The following ETFDH variants were observed in gnomAD, a reference collection of about 807,000 sequenced individuals.
The protein encoded by ETFDH is electron transfer flavoprotein dehydrogenase.
In ETFDH, 61 loss-of-function variants were observed where a neutral mutation model predicts 73.2. The observed-to-expected ratio is 0.83, with a 90% CI of 0.68 to 1.03. The LOEUF (loss-of-function observed/expected upper bound fraction) is 1.03. Ranked by LOEUF, ETFDH falls within the 50% of genes least tolerant of loss-of-function variation. ETFDH has a pLI of 0.00. For missense variants in ETFDH, 685 were observed against 745.0 expected, an observed-to-expected ratio of 0.92 and a Z score of 0.94; for synonymous variants, 243 against 253.3, an observed-to-expected ratio of 0.96 and a Z score of 0.39.
intron 1 of ETFDH, among the ~76,000 whole-genome samples, chr4:158,678,999 A>G (rs1773779333): frequency 6.6e-6 from 1 of 152,070 alleles, no homozygotes; most frequent in Admixed American, 6.6e-5. Flanking sequence ...TCTTCGATCA[A>G]ATATAATTCA....
rs1485863662 is a variant in ETFDH, at chr4:158,682,434, A to G, written c.405+10A>G. ...CTGGAAAGAGAAGGGGGTATGAAAAATTGTTTTTTATACAAAGTCTAATCT... is the reference window on the plus strand; with the variant it reads ...CTGGAAAGAGAAGGGGGTATGAAAAGTTGTTTTTTATACAAAGTCTAATCT... On this transcript the variant is annotated intron_variant, in intron 3 of 12. Transcript: ENST00000511912. 3.7e-6 allele frequency: 6 copies of G among 1,601,012 alleles called. No homozygotes were observed. The South Asian group carries it at 6.6e-5, about 18-fold the overall frequency.
At position 158,709,599 on chromosome 4, in the gene ETFDH, G is replaced by T; in HGVS notation, c.*1072G>T. 1.6e-6 allele frequency: 1 copy of T among 606,840 alleles called. No individual in the cohort carries two copies. Among genetic ancestry groups the T allele is most frequent in the Non-Finnish European group, 2.8e-6 (1 of 353,958 alleles). The allele number at this position is 606,840 out of a possible 1,614,324, so 37.6% of individuals were successfully genotyped here. A position where few individuals can be genotyped will look rare whatever the true frequency, so the allele number is the denominator to read the frequency against. ...GTTTATTAAGCATGAACCCCTATCA[G>T]TACTCCTAAACTGTAAACAGTAAGG... is the stretch of plus-strand genomic sequence containing the variant. On this transcript the variant is annotated 3_prime_UTR_variant, in exon 13 of 13. Transcript: ENST00000511912.
Position 158,697,547 on chromosome 4 carries a change from T to C in ETFDH, c.832-12T>C. ...ACTGCAGGACTTTTTTGTTTGCTTT[T>C]TTTTTTTTTAGTTATGGGTTATTGA... On this transcript the variant is annotated splice_polypyrimidine_tract_variant and intron_variant, in intron 7 of 12. Transcript: ENST00000511912. 2.5e-6 allele frequency: 4 copies of C among 1,606,542 alleles called. No homozygotes were observed. The highest frequency in any genetic ancestry group is 2.2e-5 in the South Asian group (2 of 89,786).
chr4:158,681,301 A>T (rs750772165), intron 2 of ETFDH, among the ~76,000 whole-genome samples: 12 of 152,166 alleles, frequency 7.9e-5, no homozygotes, highest in Non-Finnish European at 1.0e-4. Flanking sequence ...AAAAAATTTT[A>T]AAAAGAAAGA....
chr4:158,682,087 A>C, intron 2 of ETFDH, 108 bp from the exon 3 acceptor site: 1 of 1,475,814 alleles, frequency 6.8e-7, no homozygotes, highest in Admixed American at 1.7e-5. Flanking sequence ...ACACAGGGAG[A>C]ATTTCCATAA....
intron 6 of ETFDH, among the ~76,000 whole-genome samples, chr4:158,694,637 T>C (rs1159744842): frequency 1.3e-5 from 2 of 151,764 alleles, no homozygotes; most frequent in Non-Finnish European, 2.9e-5. Context: ...AAAATAGTTA[T>C]CACACTTGAT....
intron 12 of ETFDH, among the ~76,000 whole-genome samples, chr4:158,707,563 C>T (rs975358797): frequency 1.3e-5 from 2 of 152,232 alleles, no homozygotes; most frequent in South Asian, 2.1e-4. Flanking sequence ...GTGTACCATT[C>T]GGGCTTGCCC....
In ETFDH at chr4:158,706,670, C is replaced by T. The variant is rs1030030875; in HGVS notation, c.1510C>T (p.Pro504Ser). 6.2e-7 allele frequency: 1 copy of T among 1,613,974 alleles called. No homozygotes were observed. Among genetic ancestry groups the T allele is most frequent in the African/African-American group, 1.3e-5 (1 of 74,890 alleles). The change falls in exon 12 of 13, where the codon CCT (proline) becomes TCT (serine). Residue 504 changes from proline (P) to serine (S), a missense_variant. Transcript: ENST00000511912. Reference sequence around the variant, plus strand: ...GCTCAAGCCAGCCAAGGATTGCACACCTATTGAGTATCCAAAACCCGATGG... The same window carrying T: ...GCTCAAGCCAGCCAAGGATTGCACATCTATTGAGTATCCAAAACCCGATGG... ...ERLKPAKDCT[P>S]IEYPKPDGQI...
In ETFDH at chr4:158,680,531, G is replaced by A. The variant is rs569257408; in HGVS notation, c.99G>A (p.Trp33Ter). 1 of 1,599,986 alleles carries A rather than the reference G, an allele frequency of 6.3e-7. No individual in the cohort carries two copies. The highest frequency in any genetic ancestry group is 8.6e-7 in the Non-Finnish European group (1 of 1,167,156). The change falls in exon 2 of 13, where the codon TGG becomes TGA. Residue 33 changes from tryptophan to a stop codon, truncating the protein, a stop_gained. Transcript: ENST00000511912. LOFTEE classifies it high-confidence loss of function. ...KNYLPLCATR[W>*]SSTSTVPRIT... ...ATCTACCTCTATGTGCTACAAGATG[G>A]TCTTCAACTTCTACTGTGCCTCGAA...
chr4:158,704,233 T>A (rs1774546623), intron 10 of ETFDH, among the ~76,000 whole-genome samples: 1 of 152,228 alleles, frequency 6.6e-6, no homozygotes, highest in African/African-American at 2.4e-5. Context: ...TAAGTATCAA[T>A]AGAACAAACA....
chr4:158,676,838 G>T (rs1773722044), intron 1 of ETFDH, among the ~76,000 whole-genome samples: 1 of 151,976 alleles, frequency 6.6e-6, no homozygotes, highest in African/African-American at 2.4e-5. Flanking sequence ...GTACTTATTG[G>T]CCGTTTGTAT....
chr4:158,705,111 G>C (rs1277241951), intron 10 of ETFDH, among the ~76,000 whole-genome samples: 1 of 152,168 alleles, frequency 6.6e-6, no homozygotes, highest in African/African-American at 2.4e-5. Context: ...GGAAAAAGTA[G>C]TCATGTGGAG....
chr4:158,707,480 C>G (rs747178134), intron 12 of ETFDH, among the ~76,000 whole-genome samples: 3 of 152,152 alleles, frequency 2.0e-5, no homozygotes, highest in Non-Finnish European at 4.4e-5. Context: ...CAGTCACCCA[C>G]GGTCTGAAAA....
In ETFDH at chr4:158,702,583, G is replaced by A. The variant is rs757268576; in HGVS notation, c.1117-840G>A. On this transcript the variant is annotated intron_variant, in intron 9 of 12. Transcript: ENST00000511912. Reference sequence around the variant, plus strand: ...GAGAACATAGGGTGTTTCTCTTTCTGTGCTTGACTGACTTAACATGTCTTC... The same window carrying A: ...GAGAACATAGGGTGTTTCTCTTTCTATGCTTGACTGACTTAACATGTCTTC... 5.3e-5 allele frequency among the ~76,000 whole-genome samples: 8 copies of A among 151,794 alleles called. No homozygotes were observed. The South Asian group carries it at 8.3e-4, about 16-fold the overall frequency.
chr4:158,680,456 T>C lies in ETFDH; in HGVS notation c.35-11T>C. 6.3e-7 allele frequency: 1 copy of C among 1,598,190 alleles called. No homozygotes were observed. The highest frequency in any genetic ancestry group is 8.6e-7 in the Non-Finnish European group (1 of 1,165,836). On this transcript the variant is annotated splice_polypyrimidine_tract_variant and intron_variant, in intron 1 of 12. Coordinates refer to ENST00000511912, the MANE Select transcript of ETFDH (RefSeq NM_004453.4). Reference sequence around the variant, plus strand: ...TTAAGGAAGATAATAATTTTCGTAATTTTTGTGCAGCATATCAGTGCTTTC... The same window carrying C: ...TTAAGGAAGATAATAATTTTCGTAACTTTTGTGCAGCATATCAGTGCTTTC...
rs752675985 is a variant in ETFDH, at chr4:158,697,685, G to A, written c.958G>A (p.Ala320Thr). 1 of 1,613,784 alleles carries A rather than the reference G, an allele frequency of 6.2e-7. No homozygotes were observed. Among genetic ancestry groups the A allele is most frequent in the Non-Finnish European group, 8.5e-7 (1 of 1,179,780 alleles). ...YHLNEGEPLV[A>T]LGLVVGLDYQ... is the part of the protein sequence containing the mutation. The stretch of plus-strand genomic sequence containing the variant: ...TTTGAATGAAGGTGAACCCCTAGTA[G>A]CTCTTGGTCTTGTGGTAAGTTATAT... The change falls in exon 8 of 13, where the codon GCT becomes ACT. Residue 320 changes from alanine (A) to threonine (T), a missense_variant. Around this residue, in one of 3 missense-constraint regions of ETFDH, gnomAD observed 405 missense variants for 399.3 expected, o/e 1.01. Coordinates refer to ENST00000511912, the MANE Select transcript of ETFDH (RefSeq NM_004453.4).
intron 1 of ETFDH, among the ~76,000 whole-genome samples, chr4:158,675,258 A>G (rs763067292): frequency 6.6e-6 from 1 of 152,140 alleles, no homozygotes; most frequent in Non-Finnish European, 1.5e-5. Flanking sequence ...AAACTAGCCT[A>G]TTCTGAATAT....
intron 12 of ETFDH, among the ~76,000 whole-genome samples, chr4:158,707,514 ATTC>A (rs1774660873): frequency 6.6e-6 from 1 of 152,198 alleles, no homozygotes; most frequent in Admixed American, 6.5e-5. Flanking sequence ...GAAACAAATA[ATTC>A]TTGAGTCTTA....
In ETFDH at chr4:158,682,293, G is replaced by A; in HGVS notation, c.274G>A (p.Val92Met). Residue 92 changes from valine (V) to methionine (M), a missense_variant, in exon 3 of 13, where the codon GTG becomes ATG. Val to Met is a conservative substitution (Grantham distance 21, BLOSUM62 1). Coordinates refer to ENST00000511912, the MANE Select transcript of ETFDH (RefSeq NM_004453.4). ...AGCTGTTCGTCTAAAACAGTTGGCT[G>A]TGGCACATGAAAAGGACATCCGTGT... is the stretch of plus-strand genomic sequence containing the variant. The part of the protein sequence containing the change: ...SAAVRLKQLA[V>M]AHEKDIRVCL... 1 of 1,614,214 alleles carries A rather than the reference G, an allele frequency of 6.2e-7. No individual in the cohort carries two copies. Among genetic ancestry groups the A allele is most frequent in the South Asian group, 1.1e-5 (1 of 91,084 alleles).
Sources: allele counts gnomAD v4.1 joint callset (sites outside exome capture counted in the v4.1 genomes callset), GRCh38; gene constraint gnomAD v4.1.1; regional missense constraint gnomAD v4.1.1; transcripts MANE v1.5; gene names NCBI Gene and HGNC (gene_info 2026-07-23, HGNC 2026-07-21).